The following LYST variants were observed in gnomAD, a reference collection of about 807,000 sequenced individuals.
The protein encoded by LYST is lysosomal-trafficking regulator.
LYST carries 192 observed loss-of-function variants against 413.6 expected under a neutral mutation model. The ratio of observed to expected loss-of-function variants is 0.46; its 90% CI spans 0.41 to 0.52. The LOEUF (loss-of-function observed/expected upper bound fraction) is 0.52, where lower values mean the gene tolerates loss of function less well. LYST is among the 20% of genes least tolerant of loss of function. LYST has a pLI of 0.00. For synonymous variants in LYST, 1,525 were observed against 1,567.3 expected (o/e 0.97, Z 0.64); for missense variants, 3,815 against 4,499.9 (o/e 0.85, Z 4.35).
chr1:235,878,520 T>C (rs956602380), intron 1 of LYST, among the ~76,000 whole-genome samples: 15 of 152,200 alleles, frequency 9.9e-5, no homozygotes, highest in African/African-American at 3.6e-4. Flanking sequence ...TTGTGGTTCC[T>C]ACTGCCCAAG....
At chr1:235,782,863 T>C (rs1347704867) in intron 14 of LYST, among the ~76,000 whole-genome samples, 1 of 152,226 alleles carries the variant, frequency 6.6e-6, no homozygotes, top group Non-Finnish European at 1.5e-5. Context: ...TGTCTAGCCA[T>C]TGAAATGCCA....
chr1:235,780,231 T>C (rs1234605369), intron 16 of LYST, among the ~76,000 whole-genome samples: 2 of 151,702 alleles, frequency 1.3e-5, no homozygotes, highest in East Asian at 3.9e-4. Flanking sequence ...CAAAGCGAGA[T>C]TCCATCTCTA....
chr1:235,729,703 A>G, intron 36 of LYST, 46 bp from the exon 37 acceptor site: 6 of 1,311,518 alleles, frequency 4.6e-6, no homozygotes, highest in Non-Finnish European at 6.6e-6. Context: ...GTTCTGACCA[A>G]TTTCAGAGAG....
chr1:235,809,829 G>A lies in LYST; in HGVS notation c.989C>T (p.Thr330Ile). 1.2e-6 allele frequency: 2 copies of A among 1,613,954 alleles called. No homozygotes were observed. The highest frequency in any genetic ancestry group is 1.7e-6 in the Non-Finnish European group (2 of 1,179,960). ...VALIQRMLFR[T>I]VLHLLSVDVS... ...ATCTACTGACAGAAGATGCAACACT[G>A]TTCGAAAGAGCATCCTTTGAATCAA... The change falls in exon 5 of 53, where the codon ACA becomes ATA. Residue 330 changes from threonine to isoleucine, a missense_variant. Around this residue, in one of 4 missense-constraint regions of LYST, gnomAD observed 1,648 missense variants for 1,810.3 expected, o/e 0.91. Coordinates refer to ENST00000389793, the MANE Select transcript of LYST (RefSeq NM_000081.4). The surrounding 1 kb of genome is among the most constrained non-coding windows in gnomAD (Gnocchi z 4.0).
At chr1:235,874,570 A>G (rs780411489) in intron 1 of LYST, among the ~76,000 whole-genome samples, 19 of 152,230 alleles carry the variant, frequency 1.2e-4, no homozygotes, top group Non-Finnish European at 2.6e-4. Flanking sequence ...CCTCCAGTCT[A>G]AGATAAATTT....
At chr1:235,723,295 T>C (rs1663556182) in intron 39 of LYST, among the ~76,000 whole-genome samples, 1 of 152,102 alleles carries the variant, frequency 6.6e-6, no homozygotes, top group Admixed American at 6.5e-5. Flanking sequence ...AATATGTGAG[T>C]GTGGCATTCA....
At chr1:235,751,624 G>A (rs1666507616) in intron 27 of LYST, among the ~76,000 whole-genome samples, 1 of 151,964 alleles carries the variant, frequency 6.6e-6, no homozygotes, top group African/African-American at 2.4e-5. Context: ...CAAAGAACAG[G>A]CTTTTTTTCT....
intron 28 of LYST, 143 bp from the exon 29 acceptor site, chr1:235,746,670 T>C (rs1665957933): frequency 1.5e-6 from 1 of 689,004 alleles, no homozygotes; most frequent in African/African-American, 1.8e-5. Context: ...GAAAGAGTGA[T>C]TAAGAGAAAA....
intron 31 of LYST, chr1:235,738,143 T>C (rs1332686101): frequency 5.0e-6 from 8 of 1,608,988 alleles, no homozygotes; most frequent in Non-Finnish European, 6.8e-6. Flanking sequence ...CAGGCGAACT[T>C]GCTCTTGTTG....
Position 235,734,672 on chromosome 1 carries a change from T to G in LYST, c.8359-13A>C. On this transcript the variant is annotated splice_polypyrimidine_tract_variant and intron_variant, in intron 31 of 52. Transcript: ENST00000389793. ...ACTTGGCTCCATGCTTTAAAAAAAG[T>G]AATAATTTTTTAGTCATTTAGAATT... 1.3e-6 allele frequency: 2 copies of G among 1,573,898 alleles called. No homozygotes were observed. The highest frequency in any genetic ancestry group is 1.7e-6 in the Non-Finnish European group (2 of 1,148,852).
chr1:235,796,840 A>G (rs1469469149), intron 10 of LYST, among the ~76,000 whole-genome samples: 1 of 152,238 alleles, frequency 6.6e-6, no homozygotes, highest in African/African-American at 2.4e-5. Context: ...GTATTCCATT[A>G]TATCAGCACA....
At chr1:235,776,961 G>T in intron 17 of LYST, 102 bp downstream of exon 17, 1 of 977,610 alleles carries the variant, frequency 1.0e-6, no homozygotes, top group Non-Finnish European at 1.6e-6. Flanking sequence ...GTTTAATATA[G>T]TCGAGTGTAG....
chr1:235,740,511 C>T (rs566097128), intron 31 of LYST, among the ~76,000 whole-genome samples: 1 of 152,122 alleles, frequency 6.6e-6, no homozygotes, highest in Non-Finnish European at 1.5e-5. Context: ...AATAGAATCA[C>T]AGATTGTACT....
chr1:235,723,201 G>A (rs1663542626), intron 39 of LYST, among the ~76,000 whole-genome samples: 1 of 152,156 alleles, frequency 6.6e-6, no homozygotes, highest in African/African-American at 2.4e-5. Flanking sequence ...ATTATGGGGG[G>A]AAGATTAGAA....
At chr1:235,871,791 A>G (rs1251729356), upstream of LYST, among the ~76,000 whole-genome samples, 1 of 152,220 alleles carries the variant, frequency 6.6e-6, no homozygotes, top group Non-Finnish European at 1.5e-5. Context: ...TGCAAGATCC[A>G]AGAATCTGCT....
At chr1:235,783,961 C>T (rs1304609934) in intron 14 of LYST, among the ~76,000 whole-genome samples, 1 of 151,962 alleles carries the variant, frequency 6.6e-6, no homozygotes, top group Non-Finnish European at 1.5e-5. Context: ...CTCACTGTAG[C>T]CTTGACTTAC....
chr1:235,731,250 G>A, intron 34 of LYST, 73 bp from the exon 35 acceptor site: 1 of 1,332,840 alleles, frequency 7.5e-7, no homozygotes, highest in Non-Finnish European at 1.1e-6. Flanking sequence ...AATCATTATA[G>A]AGATTGAGTA....
intron 39 of LYST, 33 bp from the exon 40 acceptor site, chr1:235,720,938 A>G: frequency 3.1e-6 from 5 of 1,607,532 alleles, no homozygotes; most frequent in South Asian, 1.1e-5. Flanking sequence ...AAACCCAGAT[A>G]TTATTTTTAG....
chr1:235,862,077 G>A (rs1235298905), intron 1 of LYST, among the ~76,000 whole-genome samples: 2 of 152,158 alleles, frequency 1.3e-5, no homozygotes, highest in African/African-American at 2.4e-5. Flanking sequence ...ACTTCACCAA[G>A]CCAAAACTAA....
Sources: allele counts gnomAD v4.1 joint callset (sites outside exome capture counted in the v4.1 genomes callset), GRCh38; gene constraint gnomAD v4.1.1; regional missense constraint gnomAD v4.1.1; non-coding constraint Gnocchi (gnomAD v3.1); transcripts MANE v1.5; gene names NCBI Gene and HGNC (gene_info 2026-07-23, HGNC 2026-07-21).